IGBP1C: variants seen among roughly 807,000 people sequenced by gnomAD.
The protein encoded by IGBP1C is IGBP1 family member C, also known as immunoglobulin-binding protein 1 family member C.
chr17:58,691,666 CAAA>C, the IGBP1C span, among the ~76,000 whole-genome samples: 1 of 107,100 alleles, frequency 9.3e-6, no homozygotes, highest in Non-Finnish European at 1.8e-5. Flanking sequence ...GACTCTGTCT[CAAA>C]AAAAAAAAAA....
the IGBP1C span, among the ~76,000 whole-genome samples, chr17:58,686,137 A>C: frequency 6.6e-6 from 1 of 152,038 alleles, no homozygotes; most frequent in Non-Finnish European, 1.5e-5. Context: ...TGTGACCAGG[A>C]GTTCAAAACC....
At chr17:58,679,456 G>A in the IGBP1C span, 8 of 152,076 alleles carry the variant, frequency 5.3e-5, no homozygotes, top group Non-Finnish European at 7.3e-5. Context: ...CAAAACAGGA[G>A]GTTACAATAT....
At chr17:58,683,369 TCC>T in the IGBP1C span, among the ~76,000 whole-genome samples, 1 of 124,858 alleles carries the variant, frequency 8.0e-6, no homozygotes, top group Non-Finnish European at 1.6e-5. Context: ...CAAGACTCCA[TCC>T]CCCCCCCCAA....
At chr17:58,676,204 C>T in the IGBP1C span, among the ~76,000 whole-genome samples, 1 of 152,082 alleles carries the variant, frequency 6.6e-6, no homozygotes, top group Admixed American at 6.6e-5. Context: ...GGTGAAACCC[C>T]ATCTCTACTA....
At chr17:58,684,705 A>G in the IGBP1C span, among the ~76,000 whole-genome samples, 1 of 151,944 alleles carries the variant, frequency 6.6e-6, no homozygotes, top group African/African-American at 2.4e-5. Context: ...CCTACCACTT[A>G]TTTTTTAAAA....
At chr17:58,662,259 G>C in the IGBP1C span, among the ~76,000 whole-genome samples, 1 of 151,818 alleles carries the variant, frequency 6.6e-6, no homozygotes, top group African/African-American at 2.4e-5. Flanking sequence ...GACCATCCTG[G>C]CTAACACGGT....
At chr17:58,689,958 T>C in the IGBP1C span, among the ~76,000 whole-genome samples, 1 of 151,292 alleles carries the variant, frequency 6.6e-6, no homozygotes, top group African/African-American at 2.4e-5. Context: ...CATGCAATTC[T>C]CCTGCCTCAG....
At chr17:58,673,247 G>A in the IGBP1C span, among the ~76,000 whole-genome samples, 1 of 151,514 alleles carries the variant, frequency 6.6e-6, no homozygotes, top group African/African-American at 2.4e-5. Context: ...TTGGAAGGCC[G>A]AGGTGGGTGG....
the IGBP1C span, among the ~76,000 whole-genome samples, chr17:58,678,576 A>T: frequency 6.6e-6 from 1 of 152,188 alleles, no homozygotes; most frequent in African/African-American, 2.4e-5. Flanking sequence ...TTGCAAGGAC[A>T]GAAAACCAAA....
chr17:58,661,814 T>G, the IGBP1C span: 1 of 484,584 alleles, frequency 2.1e-6, no homozygotes, highest in Non-Finnish European at 3.6e-6. Flanking sequence ...AAACTTTGTC[T>G]CTCTGTTTCC....
the IGBP1C span, among the ~76,000 whole-genome samples, chr17:58,662,745 TGA>T: frequency 6.6e-6 from 1 of 152,170 alleles, no homozygotes; most frequent in African/African-American, 2.4e-5. Flanking sequence ...CTCAGAAATA[TGA>T]GAGTGACATA....
the IGBP1C span, among the ~76,000 whole-genome samples, chr17:58,677,151 C>T: frequency 9.9e-5 from 15 of 151,330 alleles, no homozygotes; most frequent in African/African-American, 3.2e-4. Flanking sequence ...ATTAGCCAGC[C>T]GTGGTGGCAC....
the IGBP1C span, among the ~76,000 whole-genome samples, chr17:58,683,110 C>T: frequency 4.0e-5 from 6 of 150,342 alleles, no homozygotes; most frequent in African/African-American, 9.8e-5. Flanking sequence ...CGGTGGCTCA[C>T]GCCTGTAATC....
At chr17:58,677,080 T>C in the IGBP1C span, among the ~76,000 whole-genome samples, 58 of 144,354 alleles carry the variant, frequency 4.0e-4, no homozygotes, top group East Asian at 0.011. Flanking sequence ...GATCAAACCA[T>C]TGCACTCCAG....
chr17:58,668,567 T>C, the IGBP1C span, among the ~76,000 whole-genome samples: 1 of 152,186 alleles, frequency 6.6e-6, no homozygotes, highest in Non-Finnish European at 1.5e-5. Flanking sequence ...CACTCAACAA[T>C]TCTACAGAGT....
At chr17:58,672,464 C>T in the IGBP1C span, among the ~76,000 whole-genome samples, 2 of 152,190 alleles carry the variant, frequency 1.3e-5, no homozygotes, top group Admixed American at 6.5e-5. Flanking sequence ...GACAGAGTCT[C>T]GCTCTATCAC....
chr17:58,671,274 TG>T, the IGBP1C span, among the ~76,000 whole-genome samples: 30 of 152,338 alleles, frequency 2.0e-4, no homozygotes, highest in Admixed American at 1.2e-3. Flanking sequence ...TGCCTGGTGC[TG>T]GGGGACATCA....
the IGBP1C span, among the ~76,000 whole-genome samples, chr17:58,671,342 A>G: frequency 6.6e-6 from 1 of 152,222 alleles, no homozygotes; most frequent in African/African-American, 2.4e-5. Context: ...ACATAGCAGT[A>G]TGAATTCTGG....
At chr17:58,673,819 C>T in the IGBP1C span, among the ~76,000 whole-genome samples, 4 of 152,112 alleles carry the variant, frequency 2.6e-5, no homozygotes, top group African/African-American at 9.7e-5. Flanking sequence ...GCGATCCTCC[C>T]ACCCTCCCAA....
Sources: gnomAD v4.1 joint callset for allele counts (sites outside exome capture counted in the v4.1 genomes callset) on GRCh38, gnomAD v4.1.1 for gene constraint, MANE v1.5 for transcripts, NCBI Gene and HGNC (gene_info 2026-07-23, HGNC 2026-07-21) for gene names.